Variants in TTC23 observed in about 807,000 individuals in gnomAD.
The protein encoded by TTC23 is tetratricopeptide repeat domain 23, also known as tetratricopeptide repeat protein 23.
Under a neutral mutation model 55.1 loss-of-function variants are expected in TTC23, and 58 were observed. The ratio of observed to expected loss-of-function variants is 1.05; its 90% CI spans 0.85 to 1.31. TTC23 has a LOEUF of 1.31. Among genes scored for constraint, TTC23 ranks in the 50% most tolerant of loss-of-function variants. The pLI, the probability that TTC23 is intolerant of heterozygous loss-of-function variation, is 0.00. For synonymous variants in TTC23, 203 were observed against 199.9 expected (o/e 1.02, Z -0.13); for missense variants, 516 against 534.4 (o/e 0.97, Z 0.34).
intron 9 of TTC23, among the ~76,000 whole-genome samples, chr15:99,192,997 A>G (rs536923042): frequency 1.3e-5 from 2 of 152,300 alleles, no homozygotes; most frequent in Non-Finnish European, 2.9e-5. Flanking sequence ...GCCCTGTTGG[A>G]TTTCAGACTT....
At chr15:99,194,696 G>A (rs2075551560) in intron 9 of TTC23, among the ~76,000 whole-genome samples, 1 of 152,134 alleles carries the variant, frequency 6.6e-6, no homozygotes, top group Non-Finnish European at 1.5e-5. Context: ...AGCACTTTGG[G>A]AGGCACAGGT....
chr15:99,176,718 T>G (rs1225974044), intron 9 of TTC23, among the ~76,000 whole-genome samples: 1 of 152,230 alleles, frequency 6.6e-6, no homozygotes, highest in African/African-American at 2.4e-5. Flanking sequence ...CTTTTTTATT[T>G]GTGATACCAA....
chr15:99,175,106 T>A lies in TTC23; in HGVS notation c.809A>T (p.Asp270Val). 1 of 1,614,168 alleles carries A rather than the reference T, an allele frequency of 6.2e-7. No homozygotes were observed. The highest frequency in any genetic ancestry group is 8.5e-7 in the Non-Finnish European group (1 of 1,180,030). Residue 270 changes from aspartate to valine, a missense_variant, in exon 10 of 14, where the codon GAC becomes GTC. Transcript: ENST00000394132. ...SRSPSQVEAA[D>V]SAHIVAHAAV... The stretch of plus-strand genomic sequence containing the variant: ...AGCATGGGCGACGATGTGTGCCGAG[T>A]CTGCTGCCTCCACTTGAGAGGGGCT...
intron 9 of TTC23, among the ~76,000 whole-genome samples, chr15:99,187,462 A>AAAAAAAAAAAAAAAAAAAAAAAAAAAG (rs1230105824): frequency 1.5e-5 from 2 of 132,544 alleles, no homozygotes; most frequent in Non-Finnish European, 3.3e-5. Context: ...CAAAAAAAAA[A>AAAAAAAAAAAAAAAAAAAAAAAAAAAG]AAAAAACAAA....
intron 8 of TTC23, among the ~76,000 whole-genome samples, chr15:99,203,746 A>G (rs2076386752): frequency 6.6e-6 from 1 of 150,552 alleles, no homozygotes; most frequent in Admixed American, 6.6e-5. Context: ...TTGACTGAAA[A>G]TGTGATATTT....
At chr15:99,146,263 T>A (rs1555493271) in intron 12 of TTC23, among the ~76,000 whole-genome samples, 1 of 152,258 alleles carries the variant, frequency 6.6e-6, no homozygotes, top group African/African-American at 2.4e-5. Context: ...GTATAAAAGC[T>A]GGATCTGCCT....
chr15:99,146,560 G>C (rs1259050371), intron 12 of TTC23, among the ~76,000 whole-genome samples: 1 of 152,228 alleles, frequency 6.6e-6, no homozygotes, highest in African/African-American at 2.4e-5. Flanking sequence ...AGAGCCTCAG[G>C]CCAGGATGGT....
intron 5 of TTC23, among the ~76,000 whole-genome samples, chr15:99,226,799 T>C (rs2078471854): frequency 6.6e-6 from 1 of 152,156 alleles, no homozygotes; most frequent in African/African-American, 2.4e-5. Context: ...AGGCCCTCCC[T>C]GATCACCCTA....
At chr15:99,232,026 A>G (rs1394280911) in intron 4 of TTC23, among the ~76,000 whole-genome samples, 5 of 149,208 alleles carry the variant, frequency 3.4e-5, no homozygotes, top group Non-Finnish European at 7.4e-5. Flanking sequence ...TCCTGATCTC[A>G]GGTGATCCAC....
chr15:99,238,292 A>G (rs1032404921), intron 3 of TTC23, among the ~76,000 whole-genome samples: 3 of 152,096 alleles, frequency 2.0e-5, no homozygotes, highest in Admixed American at 2.0e-4. Flanking sequence ...TATTCATTCC[A>G]CAACTATTTA....
At chr15:99,187,452 C>CAAAAAAAAAAAAAAAAGAAAA (rs66568931) in intron 9 of TTC23, among the ~76,000 whole-genome samples, 15 of 44,474 alleles carry the variant, frequency 3.4e-4, no homozygotes, top group Admixed American at 5.8e-4. Context: ...AAAGCACAAG[C>CAAAAAAAAAAAAAAAAGAAAA]AAAAAAAAAA....
intron 9 of TTC23, among the ~76,000 whole-genome samples, chr15:99,175,556 G>A (rs544714619): frequency 1.3e-5 from 2 of 152,364 alleles, no homozygotes; most frequent in Admixed American, 6.5e-5. Flanking sequence ...ACCTACCGGT[G>A]GGTGTCAGCA....
Position 99,235,056 on chromosome 15 carries a change from T to C in TTC23, c.-89A>G, listed in dbSNP as rs2079200591. 6.6e-6 allele frequency: 1 copy of C among 152,482 alleles called. No individual in the cohort carries two copies. The highest frequency in any genetic ancestry group is 6.5e-5 in the Admixed American group (1 of 15,272). The allele number at this position is 152,482 out of a possible 1,614,324, so 9.4% of individuals were successfully genotyped here. A position where few individuals can be genotyped will look rare whatever the true frequency, so the allele number is the denominator to read the frequency against. On this transcript the variant is annotated 5_prime_UTR_variant, in exon 4 of 14. Transcript: ENST00000394132. ...TCAGCTCAGGAGTTTGGGACCAGCCTGGGCAACATGGCAAAACTCTGTCTC... is the reference window on the plus strand; with the variant it reads ...TCAGCTCAGGAGTTTGGGACCAGCCCGGGCAACATGGCAAAACTCTGTCTC...
At chr15:99,176,576 G>A (rs1175347618) in intron 9 of TTC23, among the ~76,000 whole-genome samples, 1 of 152,144 alleles carries the variant, frequency 6.6e-6, no homozygotes, top group African/African-American at 2.4e-5. Flanking sequence ...TTATGCCACT[G>A]CACTTCAGCC....
intron 9 of TTC23, among the ~76,000 whole-genome samples, chr15:99,175,505 C>T (rs2073443463): frequency 6.6e-6 from 1 of 152,232 alleles, no homozygotes; most frequent in Non-Finnish European, 1.5e-5. Context: ...AGACAGTGGG[C>T]AAGCCCAGTG....
chr15:99,216,119 A>G (rs1414540453), intron 8 of TTC23, among the ~76,000 whole-genome samples: 3 of 152,232 alleles, frequency 2.0e-5, no homozygotes, highest in African/African-American at 7.2e-5. Flanking sequence ...ATGCAATACA[A>G]TTACAAATCA....
In TTC23 at chr15:99,156,019, GTGA is replaced by G. The variant is rs1264580459; in HGVS notation, c.1143+126_1143+128del. The G allele has an allele frequency of 3.2e-6, 4 of 1,268,338 alleles. No homozygotes were observed. In the East Asian group the frequency reaches 9.6e-5, roughly 30 times the overall value. The allele number at this position is 1,268,338 out of a possible 1,614,324, so 78.6% of individuals were successfully genotyped here. A position where few individuals can be genotyped will look rare whatever the true frequency, so the allele number is the denominator to read the frequency against. On this transcript the variant is annotated intron_variant, in intron 12 of 13. Transcript: ENST00000394132. ...GTATCAGGTTAGATCTACCACAAAA[GTGA>G]TGTCATCCTATCTAAACAAGCCACT... is the stretch of plus-strand genomic sequence containing the variant.
intron 8 of TTC23, among the ~76,000 whole-genome samples, chr15:99,206,367 C>T (rs2076629064): frequency 6.6e-6 from 1 of 152,132 alleles, no homozygotes; most frequent in African/African-American, 2.4e-5. Context: ...TTTTCTGAAA[C>T]AGTTTATGTA....
At chr15:99,210,312 G>A (rs2076945719) in intron 8 of TTC23, among the ~76,000 whole-genome samples, 1 of 152,126 alleles carries the variant, frequency 6.6e-6, no homozygotes, top group Admixed American at 6.6e-5. Flanking sequence ...GTATATGAGA[G>A]TAACCTGTGC....
Sources: gnomAD v4.1 joint callset for allele counts (sites outside exome capture counted in the v4.1 genomes callset) on GRCh38, gnomAD v4.1.1 for gene constraint, MANE v1.5 for transcripts, NCBI Gene and HGNC (gene_info 2026-07-23, HGNC 2026-07-21) for gene names.